Variants in NXN observed in about 807,000 individuals in gnomAD.
The protein encoded by NXN is nucleoredoxin.
In NXN, 16 loss-of-function variants were observed where a neutral mutation model predicts 48.6. The observed-to-expected ratio is 0.33, with a 90% CI of 0.22 to 0.50. The LOEUF (loss-of-function observed/expected upper bound fraction) is 0.50, where lower values mean the gene tolerates loss of function less well. Among genes scored for constraint, NXN ranks in the 20% least tolerant of loss-of-function variants. The probability of loss-of-function intolerance (pLI) is 0.98; values close to 1 mark genes in which losing one functional copy is unlikely to be tolerated. For missense variants in NXN, 492 were observed against 605.5 expected (o/e 0.81, Z 1.97); for synonymous variants, 281 against 269.6 (o/e 1.04, Z -0.41).
rs1007960176 is a variant in NXN at position 917,203 on chromosome 17, G to A, written c.360+62116C>T. Among the ~76,000 whole-genome samples, 6 of 151,260 alleles carry A rather than the reference G, an allele frequency of 4.0e-5. No homozygotes were observed. Among genetic ancestry groups the A allele is most frequent in the East Asian group, 1.9e-4 (1 of 5,136 alleles). On this transcript the variant is annotated intron_variant, in intron 1 of 7. Transcript: ENST00000336868. The surrounding 1 kb of genome is among the most constrained non-coding windows in gnomAD (Gnocchi z 4.5). The stretch of plus-strand genomic sequence containing the variant: ...GTAGCCCAGGCTGGAGTGCAATGGC[G>A]CGACCTCGGCTCGCCGTGGCCTCCG...
In NXN at chr17:830,422, G is replaced by A. The variant is rs1913390450; in HGVS notation, c.361-4344C>T. Among the ~76,000 whole-genome samples the A allele has an allele frequency of 6.6e-6, 1 of 152,018 alleles. No homozygotes were observed. Among genetic ancestry groups the A allele is most frequent in the Non-Finnish European group, 1.5e-5 (1 of 68,018 alleles). On this transcript the variant is annotated intron_variant, in intron 1 of 7. Transcript: ENST00000336868. This position sits in a 1 kb window ranked among gnomAD's most constrained non-coding sequence, Gnocchi z 4.2. ...CGGCTGCAACTGGGAAGCTGGGATG[G>A]CAGCGTGGATTCCAGAGACAGGCGT... is the stretch of plus-strand genomic sequence containing the variant.
chr17:934,212 C>G (rs969186882), intron 1 of NXN, among the ~76,000 whole-genome samples: 9 of 151,428 alleles, frequency 5.9e-5, no homozygotes, highest in Admixed American at 2.0e-4. Context: ...TTGGGAGGCT[C>G]AGGCAGGCGG....
At chr17:928,238 CTT>C (rs1461505098) in intron 1 of NXN, among the ~76,000 whole-genome samples, 2 of 152,166 alleles carry the variant, frequency 1.3e-5, no homozygotes, top group Non-Finnish European at 2.9e-5. Flanking sequence ...AGCACCACCT[CTT>C]TAAAAAGCGA....
chr17:905,976 CA>C (rs71145792), intron 1 of NXN, among the ~76,000 whole-genome samples: 3,131 of 118,406 alleles, frequency 0.026, 62 homozygotes, highest in Middle Eastern at 0.093. Context: ...GACCTTGTCT[CA>C]AAAAAAAAAA....
intron 4 of NXN, among the ~76,000 whole-genome samples, chr17:820,586 C>A (rs56110204): frequency 5.5e-5 from 4 of 72,660 alleles, no homozygotes; most frequent in East Asian, 4.2e-4. Flanking sequence ...CACTCCAGCC[C>A]GGGCGACAGA....
intron 1 of NXN, among the ~76,000 whole-genome samples, chr17:935,514 C>T (rs1259833023): frequency 6.6e-6 from 1 of 152,198 alleles, no homozygotes; most frequent in Non-Finnish European, 1.5e-5. Flanking sequence ...AAGACCAAGA[C>T]ACTTCAGGAT....
intron 1 of NXN, among the ~76,000 whole-genome samples, chr17:839,677 C>T (rs1328943146): frequency 6.6e-6 from 1 of 151,052 alleles, no homozygotes; most frequent in Non-Finnish European, 1.5e-5. Flanking sequence ...TGGCACACAT[C>T]TGTAGTCCCA....
intron 1 of NXN, among the ~76,000 whole-genome samples, chr17:835,420 A>T (rs8073697): frequency 0.34 from 51,054 of 151,806 alleles, 8,902 homozygotes; most frequent in African/African-American, 0.41. Flanking sequence ...AAGAAAAAAA[A>T]CAAAGAGGAG....
At chr17:853,880 C>T (rs62068396) in intron 1 of NXN, among the ~76,000 whole-genome samples, 4,993 of 151,904 alleles carry the variant, frequency 0.033, 235 homozygotes, top group East Asian at 0.25. Flanking sequence ...CCCGCCACCA[C>T]ACGGCTAAGT....
chr17:931,223 G>A (rs62067210), intron 1 of NXN, among the ~76,000 whole-genome samples: 3 of 150,412 alleles, frequency 2.0e-5, no homozygotes, highest in Non-Finnish European at 4.4e-5. Context: ...GCAAGTCGAG[G>A]CTGCAGTGAG....
intron 1 of NXN, among the ~76,000 whole-genome samples, chr17:875,622 T>G (rs1434866583): frequency 6.6e-6 from 1 of 152,008 alleles, no homozygotes; most frequent in African/African-American, 2.4e-5. Context: ...TTTAAGATTC[T>G]GCTCTGTTGC....
intron 1 of NXN, among the ~76,000 whole-genome samples, chr17:845,566 A>C (rs1174665326): frequency 6.6e-6 from 1 of 152,208 alleles, no homozygotes; most frequent in Non-Finnish European, 1.5e-5. Context: ...TTCAGGGTCT[A>C]CATCTTAGAC....
At chr17:962,800 C>T (rs1037334335) in intron 1 of NXN, among the ~76,000 whole-genome samples, 1 of 152,192 alleles carries the variant, frequency 6.6e-6, no homozygotes, top group Non-Finnish European at 1.5e-5. Flanking sequence ...CTGATGGCCT[C>T]AGAGAATGAG....
intron 5 of NXN, 81 bp downstream of exon 5, chr17:819,358 T>C (rs367932314): frequency 1.7e-5 from 16 of 952,688 alleles, no homozygotes; most frequent in African/African-American, 9.6e-5. Flanking sequence ...GCTCTTCTTC[T>C]TAAAGGAAAG....
rs377351464 is a variant in NXN at position 955,692 on chromosome 17, T to C, written c.360+23627A>G. ...CGGGCGGATCACAAGGTCAGGAGAT[T>C]GAGACCATCCTGGCTAACACGGTGA... On this transcript the variant is annotated intron_variant, in intron 1 of 7. Transcript: ENST00000336868. Among the ~76,000 whole-genome samples the C allele has an allele frequency of 4.6e-3, 686 of 149,426 alleles. 5 individuals are homozygous for C. The highest frequency in any genetic ancestry group is 0.021 in the Middle Eastern group (6 of 286).
intron 5 of NXN, among the ~76,000 whole-genome samples, chr17:808,786 T>C (rs9907087): frequency 0.039 from 5,888 of 151,564 alleles, 353 homozygotes; most frequent in African/African-American, 0.13. Context: ...GTGATTATCT[T>C]GCTTCAGCTT....
chr17:811,097 G>A (rs1377680186), intron 5 of NXN, among the ~76,000 whole-genome samples: 1 of 152,208 alleles, frequency 6.6e-6, no homozygotes, highest in Non-Finnish European at 1.5e-5. Context: ...AAGCAGAAGA[G>A]GAAGAAAGAA....
intron 1 of NXN, among the ~76,000 whole-genome samples, chr17:870,831 T>C (rs1008527790): frequency 6.6e-6 from 1 of 151,890 alleles, no homozygotes; most frequent in African/African-American, 2.4e-5. Context: ...TCTCTCACAC[T>C]TCTGGTGCTA....
intron 1 of NXN, among the ~76,000 whole-genome samples, chr17:836,327 C>T (rs187394519): frequency 3.9e-5 from 6 of 152,290 alleles, no homozygotes; most frequent in African/African-American, 9.6e-5. Context: ...GCAAAGCCAA[C>T]GCAGATGTAG....
Sources: allele counts gnomAD v4.1 joint callset (sites outside exome capture counted in the v4.1 genomes callset), GRCh38; gene constraint gnomAD v4.1.1; non-coding constraint Gnocchi (gnomAD v3.1); transcripts MANE v1.5; gene names NCBI Gene and HGNC (gene_info 2026-07-23, HGNC 2026-07-21).